Variants in MYO9A observed in about 807,000 individuals in gnomAD.
The protein encoded by MYO9A is myosin IXA, also known as unconventional myosin-IXa.
Under a neutral mutation model 293.3 loss-of-function variants are expected in MYO9A, and 103 were observed. The ratio of observed to expected loss-of-function variants is 0.35; its 90% CI spans 0.30 to 0.41. The LOEUF (loss-of-function observed/expected upper bound fraction) is 0.41, where lower values mean the gene tolerates loss of function less well. Ranked by LOEUF, MYO9A falls within the 10% of genes least tolerant of loss-of-function variation. The pLI is 1.00. For synonymous variants in MYO9A, 1,001 were observed against 1,035.7 expected (o/e 0.97, Z 0.64); for missense variants, 2,685 against 3,033.0 (o/e 0.89, Z 2.69).
At chr15:72,039,924 T>C in intron 2 of MYO9A, 1 of 178,070 alleles carries the variant, frequency 5.6e-6, no homozygotes. Context: ...TCCGTTCCTC[T>C]GTGATCTCCA....
At chr15:71,988,285 T>C (rs945848395) in intron 11 of MYO9A, among the ~76,000 whole-genome samples, 3 of 152,188 alleles carry the variant, frequency 2.0e-5, no homozygotes, top group Admixed American at 1.3e-4. Flanking sequence ...ACTGATTCAA[T>C]AGACATGGAT....
At chr15:71,835,006 G>C (rs913106556) in intron 39 of MYO9A, among the ~76,000 whole-genome samples, 2 of 151,966 alleles carry the variant, frequency 1.3e-5, no homozygotes, top group African/African-American at 4.8e-5. Flanking sequence ...TAGTCCATTA[G>C]AAATGGACTC....
At chr15:71,867,135 A>T (rs371768622) in intron 32 of MYO9A, among the ~76,000 whole-genome samples, 4 of 152,074 alleles carry the variant, frequency 2.6e-5, no homozygotes, top group African/African-American at 9.6e-5. Context: ...AGAATGTAAA[A>T]AGGGTGACAT....
chr15:71,989,179 C>T (rs1367870051), intron 11 of MYO9A, among the ~76,000 whole-genome samples: 1 of 152,056 alleles, frequency 6.6e-6, no homozygotes. Context: ...TGTGAGCCAC[C>T]ACTCCCAGCC....
At chr15:71,882,305 A>G (rs1220600644) in intron 28 of MYO9A, among the ~76,000 whole-genome samples, 1 of 152,212 alleles carries the variant, frequency 6.6e-6, no homozygotes, top group Non-Finnish European at 1.5e-5. Context: ...CGTAGTAGCT[A>G]AAAACTCTCA....
At chr15:71,870,577 T>C (rs1478349692) in intron 32 of MYO9A, among the ~76,000 whole-genome samples, 2 of 151,922 alleles carry the variant, frequency 1.3e-5, no homozygotes, top group Non-Finnish European at 2.9e-5. Context: ...ACATTAAGAT[T>C]TGAGTATACT....
chr15:71,878,191 G>A lies in MYO9A; in HGVS notation c.5780C>T (p.Ala1927Val). ...CTTTTCCAGAATCTGTTCAAATAGT[G>A]CATAGAGGTCTTTATACCGTATGCT... ...GKSIRYKDLY[A>V]LFEQILEKTM... The change falls in exon 31 of 42, where the codon GCA (alanine) becomes GTA (valine). Residue 1927 changes from alanine to valine, a missense_variant. Physicochemically the swap from Ala to Val is moderately conservative, Grantham distance 64. Around this residue, in one of 10 missense-constraint regions of MYO9A, gnomAD observed 1,434 missense variants for 1,497.7 expected, o/e 0.96. Transcript: ENST00000356056. 1.2e-6 allele frequency: 2 copies of A among 1,603,788 alleles called. No individual in the cohort carries two copies. The highest frequency in any genetic ancestry group is 1.7e-6 in the Non-Finnish European group (2 of 1,176,830).
intron 15 of MYO9A, among the ~76,000 whole-genome samples, chr15:71,945,105 T>C (rs193033139): frequency 2.0e-5 from 3 of 152,334 alleles, no homozygotes; most frequent in African/African-American, 4.8e-5. Flanking sequence ...AAACAAGTTA[T>C]CATCTCATAT....
chr15:71,886,436 C>A (rs1301404214), intron 27 of MYO9A, among the ~76,000 whole-genome samples: 2 of 152,134 alleles, frequency 1.3e-5, no homozygotes, highest in African/African-American at 2.4e-5. Context: ...GCTGGCAAAT[C>A]TTAACATTCT....
intron 1 of MYO9A, among the ~76,000 whole-genome samples, chr15:72,074,246 T>C (rs1020616240): frequency 2.6e-5 from 4 of 152,152 alleles, no homozygotes; most frequent in African/African-American, 9.7e-5. Context: ...AAACTTAGAA[T>C]ACCACCTTTT....
At chr15:72,101,647 G>A (rs1187292168) in intron 1 of MYO9A, among the ~76,000 whole-genome samples, 1 of 134,318 alleles carries the variant, frequency 7.4e-6, no homozygotes, top group African/African-American at 2.8e-5. Flanking sequence ...AGGTGGGGGG[G>A]TCAGGCCCCG....
chr15:71,864,780 T>C (rs984114483), intron 32 of MYO9A, among the ~76,000 whole-genome samples: 4 of 152,136 alleles, frequency 2.6e-5, no homozygotes, highest in African/African-American at 9.7e-5. Flanking sequence ...GGTAAGACTA[T>C]AGAAACAGAA....
At chr15:71,852,763 G>A (rs1351249677) in intron 35 of MYO9A, among the ~76,000 whole-genome samples, 2 of 152,174 alleles carry the variant, frequency 1.3e-5, no homozygotes, top group East Asian at 3.9e-4. Flanking sequence ...TACGTCTTGT[G>A]TATTTGTTTT....
chr15:71,852,362 C>CA, intron 35 of MYO9A, 102 bp from the exon 36 acceptor site: 1 of 613,584 alleles, frequency 1.6e-6, no homozygotes, highest in Non-Finnish European at 2.3e-6. Flanking sequence ...CTTCATGTTT[C>CA]TTTTTTTTTT....
intron 15 of MYO9A, among the ~76,000 whole-genome samples, chr15:71,951,119 GC>G (rs1440579699): frequency 6.6e-6 from 1 of 152,124 alleles, no homozygotes; most frequent in Non-Finnish European, 1.5e-5. Context: ...TATTCCTCAA[GC>G]CAAAACATTA....
At chr15:71,938,482 G>A (rs1351521182) in intron 16 of MYO9A, among the ~76,000 whole-genome samples, 1 of 152,090 alleles carries the variant, frequency 6.6e-6, no homozygotes, top group Non-Finnish European at 1.5e-5. Context: ...ATGGTTTGAT[G>A]TAAATCAAAC....
rs1039337585 is a variant in MYO9A at position 72,014,805 on chromosome 15, GAAAGAAAAGA to G, written c.1155+4224_1155+4233del. ...GAAAAGAAAGAAGGAAGGAAACAAA[GAAAGAAAAGA>G]AAAGAGAAGAAAAGAGGATGTTAAG... On this transcript the variant is annotated intron_variant, in intron 6 of 41. Transcript: ENST00000356056. Among the ~76,000 whole-genome samples the G allele has an allele frequency of 4.7e-4, 71 of 151,648 alleles. 1 individual carries two copies. Among genetic ancestry groups the G allele is most frequent in the African/African-American group, 1.5e-3 (62 of 41,274 alleles).
intron 39 of MYO9A, among the ~76,000 whole-genome samples, chr15:71,846,804 T>C (rs1596017250): frequency 6.6e-6 from 1 of 152,288 alleles, no homozygotes; most frequent in East Asian, 1.9e-4. Context: ...TGAAGAGGGA[T>C]ACCAGCAATG....
chr15:71,984,610 G>T (rs993975617), intron 11 of MYO9A, among the ~76,000 whole-genome samples: 5 of 152,060 alleles, frequency 3.3e-5, no homozygotes, highest in African/African-American at 1.2e-4. Context: ...TGCTCTTAGA[G>T]TATAAGTCTC....
Sources: allele counts gnomAD v4.1 joint callset (sites outside exome capture counted in the v4.1 genomes callset), GRCh38; gene constraint gnomAD v4.1.1; regional missense constraint gnomAD v4.1.1; transcripts MANE v1.5; gene names NCBI Gene and HGNC (gene_info 2026-07-23, HGNC 2026-07-21).